The following KIZ variants were observed in gnomAD, a reference collection of about 807,000 sequenced individuals.
The protein encoded by KIZ is kizuna centrosomal protein.
Under a neutral mutation model 79.6 loss-of-function variants are expected in KIZ, and 68 were observed. That is an observed-to-expected ratio of 0.85 (90% CI 0.70 to 1.05). The LOEUF (loss-of-function observed/expected upper bound fraction) is 1.05. KIZ is among the 50% of genes least tolerant of loss of function. The probability of loss-of-function intolerance (pLI) is 0.00; values close to 1 mark genes in which losing one functional copy is unlikely to be tolerated. For synonymous variants in KIZ, 280 were observed against 281.8 expected, an observed-to-expected ratio of 0.99 and a Z score of 0.06; for missense variants, 797 against 800.4, an observed-to-expected ratio of 1.00 and a Z score of 0.05.
At chr20:21,142,433 A>G (rs982377800) in intron 3 of KIZ, among the ~76,000 whole-genome samples, 1 of 152,024 alleles carries the variant, frequency 6.6e-6, no homozygotes, top group African/African-American at 2.4e-5. Context: ...TAATTCTTCC[A>G]TATTTTTTGT....
chr20:21,137,864 C>G (rs969928071), intron 3 of KIZ, among the ~76,000 whole-genome samples: 7 of 152,206 alleles, frequency 4.6e-5, no homozygotes, highest in Admixed American at 4.6e-4. Flanking sequence ...GTAGCCTCAA[C>G]CTTCTGGGCT....
At chr20:21,168,780 A>T (rs527243082) in intron 6 of KIZ, among the ~76,000 whole-genome samples, 9 of 152,330 alleles carry the variant, frequency 5.9e-5, no homozygotes, top group Admixed American at 4.6e-4. Context: ...ATGATGCTGC[A>T]TATCTACAAC....
rs568926833 is a variant in KIZ, at chr20:21,150,715, G to C, written c.405+5061G>C. 13 of 152,156 alleles carry C rather than the reference G, an allele frequency of 8.5e-5. No individual in the cohort carries two copies. The South Asian group carries it at 1.7e-3, about 19-fold the overall frequency. The allele number at this position is 152,156 out of a possible 1,614,324, so 9.4% of individuals were successfully genotyped here. On this transcript the variant is annotated intron_variant, in intron 4 of 12. Coordinates refer to ENST00000619189, the MANE Select transcript of KIZ (RefSeq NM_018474.6). ...AGATCTGCAGACCTTTTTTTCAAGA[G>C]AGGGTAGAACATGCTCTTCTCTCCC...
chr20:21,161,533 T>C (rs1300770223), intron 4 of KIZ, among the ~76,000 whole-genome samples: 2 of 152,166 alleles, frequency 1.3e-5, no homozygotes, highest in Non-Finnish European at 2.9e-5. Flanking sequence ...GGTTTCACCA[T>C]GTCAGCCAGG....
chr20:21,214,839 A>G (rs2036222036), intron 8 of KIZ, 139 bp downstream of exon 8: 5 of 485,778 alleles, frequency 1.0e-5, no homozygotes, highest in Non-Finnish European at 1.8e-5. Context: ...TTTGTTTTAT[A>G]CCACCTTCCA....
chr20:21,226,684 A>G (rs942674215), intron 9 of KIZ, among the ~76,000 whole-genome samples: 1 of 152,172 alleles, frequency 6.6e-6, no homozygotes, highest in Admixed American at 6.5e-5. Flanking sequence ...TCATCTTTGT[A>G]CCTTTTAAAC....
chr20:21,232,813 AG>A lies in KIZ; in HGVS notation c.1865del (p.Gly622GlufsTer14). On this transcript the variant is annotated frameshift_variant, in exon 11 of 13. Coordinates refer to ENST00000619189, the MANE Select transcript of KIZ (RefSeq NM_018474.6). LOFTEE classifies it high-confidence loss of function. ...ASEASFSSSE[G>X]SPLSRHENKK... ...CGGAAGCTAGTTTTTCATCTAGTGA[AG>A]GAAGTCCTTTGTCAAGGTAAAGTTG... 1.9e-6 allele frequency: 3 copies of A among 1,544,704 alleles called. No individual in the cohort carries two copies. Among genetic ancestry groups the A allele is most frequent in the Non-Finnish European group, 2.7e-6 (3 of 1,125,572 alleles).
At chr20:21,131,275 A>T (rs1322757230) in intron 1 of KIZ, among the ~76,000 whole-genome samples, 1 of 152,114 alleles carries the variant, frequency 6.6e-6, no homozygotes, top group Non-Finnish European at 1.5e-5. Flanking sequence ...TCCTTAGCTT[A>T]CTGCTAGCAC....
chr20:21,136,642 A>T, intron 3 of KIZ, 90 bp downstream of exon 3: 1 of 934,990 alleles, frequency 1.1e-6, no homozygotes. Flanking sequence ...TGTGTTACCC[A>T]GGCTAGACTT....
chr20:21,153,081 T>C (rs1225905854), intron 4 of KIZ, among the ~76,000 whole-genome samples: 2 of 152,216 alleles, frequency 1.3e-5, no homozygotes, highest in African/African-American at 2.4e-5. Flanking sequence ...TCTGTGAACA[T>C]GGACAAGTTG....
At chr20:21,217,034 A>G (rs530472336) in intron 9 of KIZ, among the ~76,000 whole-genome samples, 91 of 152,336 alleles carry the variant, frequency 6.0e-4, no homozygotes, top group Non-Finnish European at 1.1e-3. Context: ...GTTTGCCATT[A>G]AGATTTTAAA....
At chr20:21,175,133 C>T (rs2034378209) in intron 6 of KIZ, among the ~76,000 whole-genome samples, 1 of 152,182 alleles carries the variant, frequency 6.6e-6, no homozygotes, top group Non-Finnish European at 1.5e-5. Context: ...TAAGGCTATG[C>T]ATTATACTTC....
intron 9 of KIZ, chr20:21,218,466 A>G (rs1213577413): frequency 6.6e-6 from 1 of 152,232 alleles, no homozygotes; most frequent in Admixed American, 6.5e-5. Context: ...CCCAGAAAAT[A>G]CATCAATTAA....
chr20:21,134,144 A>G (rs551913094), intron 2 of KIZ, among the ~76,000 whole-genome samples: 1 of 152,318 alleles, frequency 6.6e-6, no homozygotes, highest in Non-Finnish European at 1.5e-5. Context: ...AGGTCGGGCC[A>G]GGAGGCGTGA....
intron 6 of KIZ, among the ~76,000 whole-genome samples, chr20:21,182,444 A>G (rs2034693371): frequency 6.6e-6 from 1 of 152,180 alleles, no homozygotes. Context: ...TTCCTAAGCT[A>G]ATTACTGGCA....
chr20:21,203,439 T>G (rs2035675584), intron 6 of KIZ, among the ~76,000 whole-genome samples: 1 of 152,234 alleles, frequency 6.6e-6, no homozygotes, highest in Non-Finnish European at 1.5e-5. Context: ...TAATGTTTTG[T>G]TACCCCATGG....
At chr20:21,140,911 G>C (rs995216999) in intron 3 of KIZ, among the ~76,000 whole-genome samples, 3 of 151,908 alleles carry the variant, frequency 2.0e-5, no homozygotes, top group Non-Finnish European at 4.4e-5. Context: ...ATCTGAGATG[G>C]GGGGGGATCA....
chr20:21,162,734 T>C (rs542766218), intron 5 of KIZ, 116 bp from the exon 6 acceptor site: 1 of 881,758 alleles, frequency 1.1e-6, no homozygotes, highest in East Asian at 2.6e-5. Flanking sequence ...AGTTCCGTAA[T>C]GAATTGTGTG....
intron 4 of KIZ, among the ~76,000 whole-genome samples, chr20:21,156,829 A>G (rs2033408382): frequency 1.3e-5 from 2 of 152,202 alleles, no homozygotes. Context: ...ATACACACAT[A>G]CAGAGACAAA....
Sources: gnomAD v4.1 joint callset for allele counts (sites outside exome capture counted in the v4.1 genomes callset) on GRCh38, gnomAD v4.1.1 for gene constraint, MANE v1.5 for transcripts, NCBI Gene and HGNC (gene_info 2026-07-23, HGNC 2026-07-21) for gene names.